Variants in NEDD4L observed in about 807,000 individuals in gnomAD.
NEDD4L encodes NEDD4 like E3 ubiquitin protein ligase.
Under a neutral mutation model 148.9 loss-of-function variants are expected in NEDD4L, and 54 were observed. The observed-to-expected ratio is 0.36, with a 90% CI of 0.29 to 0.45. NEDD4L has a LOEUF of 0.45. Among genes scored for constraint, NEDD4L ranks in the 20% least tolerant of loss-of-function variants. The probability of loss-of-function intolerance (pLI) is 1.00; values close to 1 mark genes in which losing one functional copy is unlikely to be tolerated. For synonymous variants in NEDD4L, 433 were observed against 440.7 expected (o/e 0.98, Z 0.22); for missense variants, 856 against 1,233.8 (o/e 0.69, Z 4.59).
chr18:58,316,716 G>A (rs999361817), intron 6 of NEDD4L, among the ~76,000 whole-genome samples: 1 of 152,216 alleles, frequency 6.6e-6, no homozygotes, highest in Non-Finnish European at 1.5e-5. Flanking sequence ...GAATGTGTAG[G>A]TAGGACCTGG....
intron 6 of NEDD4L, among the ~76,000 whole-genome samples, chr18:58,319,195 A>C (rs897153328): frequency 7.2e-5 from 11 of 152,128 alleles, no homozygotes; most frequent in African/African-American, 2.7e-4. Context: ...CCAGGTGAAA[A>C]AGCCTGGGCC....
intron 2 of NEDD4L, among the ~76,000 whole-genome samples, chr18:58,210,171 T>C (rs2042457800): frequency 6.6e-6 from 1 of 151,424 alleles, no homozygotes; most frequent in African/African-American, 2.4e-5. Context: ...CGTCTCAACA[T>C]CAACAACAAC....
chr18:58,163,481 G>A (rs143780792), intron 1 of NEDD4L, among the ~76,000 whole-genome samples: 3 of 152,336 alleles, frequency 2.0e-5, no homozygotes, highest in Non-Finnish European at 4.4e-5. Flanking sequence ...TGATGCTTCT[G>A]TAAGCACTTT....
chr18:58,189,399 C>G (rs938048586), intron 2 of NEDD4L, among the ~76,000 whole-genome samples: 6 of 152,166 alleles, frequency 3.9e-5, no homozygotes, highest in East Asian at 3.9e-4. Context: ...AAATAACTTA[C>G]AAACAATGAG....
chr18:58,196,324 C>G (rs1387618506), intron 2 of NEDD4L, among the ~76,000 whole-genome samples: 4 of 152,246 alleles, frequency 2.6e-5, no homozygotes, highest in African/African-American at 9.7e-5. Context: ...GATACACACA[C>G]TTTCTCATTT....
intron 24 of NEDD4L, 62 bp downstream of exon 24, chr18:58,373,331 G>A (rs1331164167): frequency 2.8e-5 from 26 of 926,266 alleles, no homozygotes; most frequent in Middle Eastern, 2.1e-4. Context: ...TCTTCTTGAC[G>A]GGCTGTAACA....
intron 3 of NEDD4L, among the ~76,000 whole-genome samples, chr18:58,246,275 G>A (rs766646116): frequency 7.9e-5 from 12 of 152,004 alleles, no homozygotes; most frequent in Non-Finnish European, 1.8e-4. Flanking sequence ...TGTGGAATTG[G>A]TAGGCACACC....
At chr18:58,303,241 A>G (rs2056708231) in intron 5 of NEDD4L, among the ~76,000 whole-genome samples, 1 of 152,246 alleles carries the variant, frequency 6.6e-6, no homozygotes, top group Non-Finnish European at 1.5e-5. Context: ...GTTTTGAGAC[A>G]TAAAGAGTCA....
At chr18:58,166,349 T>A (rs1292683339) in intron 2 of NEDD4L, among the ~76,000 whole-genome samples, 2 of 152,224 alleles carry the variant, frequency 1.3e-5, no homozygotes, top group Non-Finnish European at 2.9e-5. Flanking sequence ...CAGCCAGATC[T>A]TTCTGTGTGT....
At position 58,335,498 on chromosome 18, in the gene NEDD4L, A is replaced by G; in HGVS notation, c.1086A>G (p.Arg362=). 6.2e-7 allele frequency: 1 copy of G among 1,613,600 alleles called. No individual in the cohort carries two copies. The highest frequency in any genetic ancestry group is 1.3e-5 in the African/African-American group (1 of 75,040). The change falls in exon 13 of 31, where the codon AGA becomes AGG. Residue 362 remains arginine, a synonymous_variant. Coordinates refer to ENST00000400345, the MANE Select transcript of NEDD4L (RefSeq NM_001144967.3). ...HLPPPSAPAG[R]ARSSTVTGGE... ...CACAGCCCAGTGCCCCAGCTGGGAG[A>G]GCGCGTTCATCAACTGTCACGGGTG...
chr18:58,317,337 C>G (rs1027884312), intron 6 of NEDD4L, among the ~76,000 whole-genome samples: 3 of 152,194 alleles, frequency 2.0e-5, no homozygotes, highest in African/African-American at 7.2e-5. Context: ...GCAAAGACCT[C>G]GCATCCTTCT....
At chr18:58,228,933 A>G (rs2044717219) in intron 2 of NEDD4L, among the ~76,000 whole-genome samples, 1 of 152,206 alleles carries the variant, frequency 6.6e-6, no homozygotes, top group South Asian at 2.1e-4. Flanking sequence ...CACCAGCTGT[A>G]CTGGCATCAC....
At chr18:58,163,131 C>G (rs12955484) in intron 1 of NEDD4L, among the ~76,000 whole-genome samples, 1 of 151,984 alleles carries the variant, frequency 6.6e-6, no homozygotes, top group East Asian at 1.9e-4. Flanking sequence ...CAGTAGCTTT[C>G]CACAGGCTTG....
intron 1 of NEDD4L, among the ~76,000 whole-genome samples, chr18:58,135,519 T>C (rs2032741615): frequency 6.6e-6 from 1 of 152,228 alleles, no homozygotes; most frequent in Non-Finnish European, 1.5e-5. Flanking sequence ...TGACCGTGTA[T>C]GGAGAGAGAA....
chr18:58,290,144 G>T (rs1036169158), intron 5 of NEDD4L, among the ~76,000 whole-genome samples: 1 of 152,198 alleles, frequency 6.6e-6, no homozygotes, highest in Non-Finnish European at 1.5e-5. Flanking sequence ...GAGCCCACTC[G>T]ATGCTTGGCA....
chr18:58,390,764 T>A (rs1308323011), intron 29 of NEDD4L, 22 bp downstream of exon 29: 1 of 1,518,248 alleles, frequency 6.6e-7, no homozygotes, highest in South Asian at 1.2e-5. Context: ...ACCATTGGAT[T>A]CAGTTGTCCT....
At chr18:58,151,378 C>T (rs866143869) in intron 1 of NEDD4L, among the ~76,000 whole-genome samples, 3 of 152,226 alleles carry the variant, frequency 2.0e-5, no homozygotes, top group Admixed American at 6.5e-5. Context: ...TTCACTGTTG[C>T]GTGTTAGCAC....
Position 58,138,061 on chromosome 18 carries a change from C to T in NEDD4L, c.49-27727C>T, listed in dbSNP as rs142602818. The stretch of plus-strand genomic sequence containing the variant: ...TCTGCCATCACCCAGCCCATGCTCT[C>T]CTGCCGCCCCACTGAAGACTTCCTT... On this transcript the variant is annotated intron_variant, in intron 1 of 30. Coordinates refer to ENST00000400345, the MANE Select transcript of NEDD4L (RefSeq NM_001144967.3). Among the ~76,000 whole-genome samples the T allele has an allele frequency of 5.4e-3, 824 of 152,318 alleles. 3 individuals are homozygous for T. The highest frequency in any genetic ancestry group is 0.019 in the African/African-American group (779 of 41,560).
At chr18:58,276,691 A>ATTATTATTAT (rs1555783364) in intron 5 of NEDD4L, among the ~76,000 whole-genome samples, 3 of 89,664 alleles carry the variant, frequency 3.3e-5, no homozygotes, top group Non-Finnish European at 7.2e-5. Flanking sequence ...AATAATAATA[A>ATTATTATTAT]TAATATTATT....
Sources: allele counts gnomAD v4.1 joint callset (sites outside exome capture counted in the v4.1 genomes callset), GRCh38; gene constraint gnomAD v4.1.1; transcripts MANE v1.5; gene names NCBI Gene and HGNC (gene_info 2026-07-23, HGNC 2026-07-21).